Variants in SLC6A2 observed in about 807,000 individuals in gnomAD.
The protein encoded by SLC6A2 is sodium-dependent noradrenaline transporter.
SLC6A2 carries 26 observed loss-of-function variants against 71.7 expected under a neutral mutation model. The ratio of observed to expected loss-of-function variants is 0.36; its 90% confidence interval spans 0.27 to 0.50. SLC6A2 has a LOEUF of 0.50. Among genes scored for constraint, SLC6A2 ranks in the 20% least tolerant of loss-of-function variants. SLC6A2 has a pLI of 0.96. For synonymous variants in SLC6A2, 363 were observed against 337.9 expected, an observed-to-expected ratio of 1.07 and a Z score of -0.82; for missense variants, 581 against 803.9, an observed-to-expected ratio of 0.72 and a Z score of 3.35.
At chr16:55,662,603 G>A (rs1351159056) in intron 2 of SLC6A2, among the ~76,000 whole-genome samples, 1 of 152,158 alleles carries the variant, frequency 6.6e-6, no homozygotes, top group African/African-American at 2.4e-5. Context: ...AGACTAAGAT[G>A]GAGGAAATGG....
In SLC6A2 at chr16:55,656,562, TA is replaced by T; in HGVS notation, c.-51-80del. ...CTCAGCGCGCGCTCATCCCAGTGTCTAAGGCGCTCCCGGGTGGTCTTGGGAG... is the reference window on the plus strand; with the variant it reads ...CTCAGCGCGCGCTCATCCCAGTGTCTAGGCGCTCCCGGGTGGTCTTGGGAG... On this transcript the variant is annotated intron_variant, in intron 1 of 14. Transcript: ENST00000568943. The surrounding 1 kb of genome is among the most constrained non-coding windows in gnomAD (Gnocchi z 4.5). 1.7e-6 allele frequency: 2 copies of T among 1,159,290 alleles called. No individual in the cohort carries two copies. Among genetic ancestry groups the T allele is most frequent in the South Asian group, 1.2e-5 (1 of 80,822 alleles). The allele number at this position is 1,159,290 out of a possible 1,614,324, so 71.8% of individuals were successfully genotyped here.
rs1482509971 is a variant in SLC6A2, at chr16:55,699,540, C to T, written c.1490-14C>T. 12 of 1,608,136 alleles carry T rather than the reference C, an allele frequency of 7.5e-6. No individual in the cohort carries two copies. Among genetic ancestry groups the T allele is most frequent in the African/African-American group, 1.3e-5 (1 of 74,786 alleles). The stretch of plus-strand genomic sequence containing the variant: ...TGGGGGCCATGGTAACAGGCCTGCC[C>T]TGTGTGTGCACAGGAGTGGACAGGT... On this transcript the variant is annotated splice_polypyrimidine_tract_variant and intron_variant, in intron 11 of 14. Transcript: ENST00000568943.
intron 7 of SLC6A2, 68 bp downstream of exon 7, chr16:55,694,181 A>C: frequency 8.9e-7 from 1 of 1,122,950 alleles, no homozygotes; most frequent in Non-Finnish European, 1.4e-6. Flanking sequence ...GGTGGCAGAG[A>C]GGGCTCTGGT....
At chr16:55,678,852 C>A (rs1469414400) in intron 4 of SLC6A2, among the ~76,000 whole-genome samples, 23 of 152,158 alleles carry the variant, frequency 1.5e-4, no homozygotes, top group Non-Finnish European at 2.9e-4. Flanking sequence ...TGTACTAAAC[C>A]CCAAGGTTTG....
intron 2 of SLC6A2, among the ~76,000 whole-genome samples, chr16:55,658,505 G>A (rs754916337): frequency 6.6e-6 from 1 of 151,692 alleles, no homozygotes; most frequent in African/African-American, 2.4e-5. Context: ...GGGTGACAGA[G>A]CAAGACTCTG....
Position 55,656,508 on chromosome 16 carries a change from C to A in SLC6A2, c.-51-136C>A. Reference sequence around the variant, plus strand: ...TGTTTCCAAATTTTTCCAGCGGACGCGCGCCCTTTTCTGGGAACCCTGCGT... The same window carrying A: ...TGTTTCCAAATTTTTCCAGCGGACGAGCGCCCTTTTCTGGGAACCCTGCGT... On this transcript the variant is annotated intron_variant, in intron 1 of 14. Coordinates refer to ENST00000568943, the MANE Select transcript of SLC6A2 (RefSeq NM_001172501.3). This position sits in a 1 kb window ranked among gnomAD's most constrained non-coding sequence, Gnocchi z 4.5. The A allele has an allele frequency of 1.4e-6, 1 of 696,922 alleles. No individual in the cohort carries two copies. Among genetic ancestry groups the A allele is most frequent in the Non-Finnish European group, 2.4e-6 (1 of 410,518 alleles). The allele number at this position is 696,922 out of a possible 1,614,324, so 43.2% of individuals were successfully genotyped here.
chr16:55,694,865 A>G (rs988598834), intron 7 of SLC6A2, among the ~76,000 whole-genome samples: 20 of 152,198 alleles, frequency 1.3e-4, no homozygotes, highest in Admixed American at 1.1e-3. Context: ...AGGCAAATGC[A>G]AGGAAGTGGT....
intron 2 of SLC6A2, among the ~76,000 whole-genome samples, chr16:55,668,216 A>C (rs1964807278): frequency 6.6e-6 from 1 of 152,168 alleles, no homozygotes; most frequent in South Asian, 2.1e-4. Flanking sequence ...TGATAGTCTG[A>C]GTAGCTGAGT....
chr16:55,663,728 C>T (rs762594424), intron 2 of SLC6A2, among the ~76,000 whole-genome samples: 8 of 152,146 alleles, frequency 5.3e-5, no homozygotes, highest in Admixed American at 3.3e-4. Context: ...CATTGGGGCA[C>T]GTTAGGCCTC....
In SLC6A2 at chr16:55,702,848, C is replaced by T. The variant is rs927908023; in HGVS notation, c.*502C>T. The T allele has an allele frequency of 6.0e-6, 6 of 998,958 alleles. No individual in the cohort carries two copies. In the African/African-American group the frequency reaches 8.7e-5, roughly 14 times the overall value. 61.9% of individuals were successfully genotyped at this position (998,958 alleles called of 1,614,324 possible). A position where few individuals can be genotyped will look rare whatever the true frequency, so the allele number is the denominator to read the frequency against. On this transcript the variant is annotated 3_prime_UTR_variant, in exon 15 of 15. Transcript: ENST00000568943. ...TACATAGACCCTCCTCTTGCCCACC[C>T]TAGACAGCCCTCTCATGTCTGAACC...
intron 4 of SLC6A2, among the ~76,000 whole-genome samples, chr16:55,674,707 G>A (rs557396803): frequency 4.3e-4 from 66 of 152,322 alleles, no homozygotes; most frequent in Non-Finnish European, 8.2e-4. Context: ...TTACAGGCAT[G>A]AGCCATTGCA....
intron 4 of SLC6A2, among the ~76,000 whole-genome samples, chr16:55,673,324 C>T (rs534584514): frequency 1.3e-5 from 2 of 152,308 alleles, no homozygotes; most frequent in East Asian, 3.9e-4. Context: ...TGATGTTAAC[C>T]TTGCACACTT....
At chr16:55,693,963 A>G (rs1965716088) in intron 6 of SLC6A2, 47 bp from the exon 7 acceptor site, 2 of 1,210,220 alleles carry the variant, frequency 1.7e-6, no homozygotes, top group Admixed American at 3.4e-5. Flanking sequence ...GAGGTGTTCC[A>G]GTGTTGTAGG....
chr16:55,688,201 A>G (rs1965514814), intron 5 of SLC6A2, among the ~76,000 whole-genome samples: 1 of 152,226 alleles, frequency 6.6e-6, no homozygotes, highest in South Asian at 2.1e-4. Flanking sequence ...CTGAACCTGG[A>G]ACAGGACATT....
Position 55,705,228 on chromosome 16 carries a change from C to A in SLC6A2, c.*2882C>A, listed in dbSNP as rs1310152645. 1 of 1,536,114 alleles carries A rather than the reference C, an allele frequency of 6.5e-7. No individual in the cohort carries two copies. Among genetic ancestry groups the A allele is most frequent in the Non-Finnish European group, 8.7e-7 (1 of 1,146,600 alleles). On this transcript the variant is annotated 3_prime_UTR_variant, in exon 15 of 15. Transcript: ENST00000568943. ...GCTTTCATTCTAGATGAAAACGAGA[C>A]AAGGGAGAAGGAGAGCTACCAACTC...
rs12932949 is a variant in SLC6A2 at position 55,660,998 on chromosome 16, G to C, written c.274+4030G>C. ...CCCATGGCCAGCTGCTGGGATGCAC[G>C]GGCTGCAGGAGGCTCTGGGAGGGGA... On this transcript the variant is annotated intron_variant, in intron 2 of 14. Transcript: ENST00000568943. Among the ~76,000 whole-genome samples, 13,663 of 152,238 alleles carry C rather than the reference G, an allele frequency of 0.09. 765 individuals carry two copies. The highest frequency in any genetic ancestry group is 0.12 in the Non-Finnish European group (7,930 of 67,996).
chr16:55,691,766 T>C (rs1597002655), intron 5 of SLC6A2, 152 bp from the exon 6 acceptor site: 1 of 883,106 alleles, frequency 1.1e-6, no homozygotes, highest in Non-Finnish European at 1.8e-6. Flanking sequence ...CTCAGGGCCT[T>C]GCCTAGAGCT....
At chr16:55,660,997 C>T (rs950017794) in intron 2 of SLC6A2, among the ~76,000 whole-genome samples, 5 of 152,222 alleles carry the variant, frequency 3.3e-5, no homozygotes, top group Admixed American at 1.3e-4. Flanking sequence ...CTGGGATGCA[C>T]GGGCTGCAGG....
rs759983158 is a variant in SLC6A2 at position 55,703,930 on chromosome 16, G to A, written c.*1584G>A. ...TTTCCTTGCTGGGTCGGGGTCCTCA[G>A]GTCATTCTATAGATAAAAGAGGGAA... On this transcript the variant is annotated 3_prime_UTR_variant, in exon 15 of 15. Coordinates refer to ENST00000568943, the MANE Select transcript of SLC6A2 (RefSeq NM_001172501.3). 1.3e-5 allele frequency: 5 copies of A among 372,500 alleles called. No individual in the cohort carries two copies. The highest frequency in any genetic ancestry group is 1.9e-5 in the Non-Finnish European group (5 of 270,144). 23.1% of individuals were successfully genotyped at this position (372,500 alleles called of 1,614,324 possible). A position where few individuals can be genotyped will look rare whatever the true frequency, so the allele number is the denominator to read the frequency against.
Sources: gnomAD v4.1 joint callset for allele counts (sites outside exome capture counted in the v4.1 genomes callset) on GRCh38, gnomAD v4.1.1 for gene constraint, Gnocchi (gnomAD v3.1) non-coding constraint, MANE v1.5 for transcripts, NCBI Gene and HGNC (gene_info 2026-07-23, HGNC 2026-07-21) for gene names.